Variants in GNA14 observed in about 807,000 individuals in gnomAD.
GNA14 encodes G protein subunit alpha 14.
Under a neutral mutation model 42.0 loss-of-function variants are expected in GNA14, and 50 were observed. The ratio of observed to expected loss-of-function variants is 1.19; its 90% CI spans 0.95 to 1.51. The LOEUF is 1.51. Ranked by LOEUF, GNA14 falls within the 40% of genes most tolerant of loss-of-function variation. GNA14 has a pLI of 0.00. For synonymous variants in GNA14, 173 were observed against 163.1 expected, an observed-to-expected ratio of 1.06 and a Z score of -0.46; for missense variants, 473 against 446.2, an observed-to-expected ratio of 1.06 and a Z score of -0.54.
At chr9:77,497,208 C>T (rs980470846) in intron 2 of GNA14, among the ~76,000 whole-genome samples, 3 of 152,160 alleles carry the variant, frequency 2.0e-5, no homozygotes, top group Non-Finnish European at 4.4e-5. Flanking sequence ...GCCTTGTCCC[C>T]AACTCCAGCT....
At chr9:77,521,363 A>C (rs1032204661) in intron 2 of GNA14, among the ~76,000 whole-genome samples, 1 of 152,198 alleles carries the variant, frequency 6.6e-6, no homozygotes, top group African/African-American at 2.4e-5. Context: ...TGAATTTTTC[A>C]AATTGGATGA....
chr9:77,489,888 C>T (rs1006273454), intron 2 of GNA14, among the ~76,000 whole-genome samples: 5 of 152,112 alleles, frequency 3.3e-5, no homozygotes, highest in African/African-American at 1.2e-4. Context: ...AAAGCTTCCA[C>T]AATGTGGAAG....
chr9:77,469,862 T>C (rs1477508525), intron 2 of GNA14, among the ~76,000 whole-genome samples: 1 of 152,216 alleles, frequency 6.6e-6, no homozygotes, highest in Non-Finnish European at 1.5e-5. Flanking sequence ...ATCAGGTGAC[T>C]AGATGCTGAT....
intron 1 of GNA14, among the ~76,000 whole-genome samples, chr9:77,572,987 G>A (rs974569658): frequency 2.6e-5 from 4 of 152,096 alleles, no homozygotes; most frequent in East Asian, 1.9e-4. Flanking sequence ...TACTGTCGAC[G>A]CTAAATATTT....
chr9:77,627,920 G>C (rs377109603), intron 1 of GNA14, among the ~76,000 whole-genome samples: 4 of 152,230 alleles, frequency 2.6e-5, no homozygotes, highest in African/African-American at 9.6e-5. Flanking sequence ...AGAAAAAAAG[G>C]GTATTCAAAT....
intron 2 of GNA14, among the ~76,000 whole-genome samples, chr9:77,525,019 T>A (rs1223691717): frequency 6.6e-6 from 1 of 152,168 alleles, no homozygotes; most frequent in Non-Finnish European, 1.5e-5. Flanking sequence ...AATCCACTCA[T>A]GGACTGTGGA....
chr9:77,490,646 C>T (rs536336656), intron 2 of GNA14, among the ~76,000 whole-genome samples: 40 of 152,338 alleles, frequency 2.6e-4, no homozygotes, highest in African/African-American at 9.1e-4. Flanking sequence ...CCTCACTGCC[C>T]AGGCCAGCAG....
At chr9:77,533,927 C>T (rs531076496) in intron 1 of GNA14, among the ~76,000 whole-genome samples, 6 of 152,306 alleles carry the variant, frequency 3.9e-5, no homozygotes, top group Admixed American at 2.0e-4. Context: ...TCCTACAAGA[C>T]GCTTGCTCCT....
intron 1 of GNA14, among the ~76,000 whole-genome samples, chr9:77,597,348 G>C (rs1486378061): frequency 1.3e-5 from 2 of 152,084 alleles, no homozygotes; most frequent in African/African-American, 4.8e-5. Context: ...CTCATAGCCT[G>C]AGTCTCTGGA....
chr9:77,428,465 T>C lies in GNA14; in HGVS notation c.723+442A>G, dbSNP rs116715303. On this transcript the variant is annotated intron_variant, in intron 5 of 6. Coordinates refer to ENST00000341700, the MANE Select transcript of GNA14 (RefSeq NM_004297.4). The stretch of plus-strand genomic sequence containing the variant: ...CTAGGCTTTTGAATAGGTTCCGACC[T>C]TAGCAGCACAGTGGATTCACCTGGG... 6.6e-3 allele frequency among the ~76,000 whole-genome samples: 1,002 copies of C among 152,210 alleles called. 14 individuals are homozygous for C. The highest frequency in any genetic ancestry group is 0.022 in the African/African-American group (912 of 41,518).
intron 1 of GNA14, among the ~76,000 whole-genome samples, chr9:77,634,111 A>T (rs1824140424): frequency 6.6e-6 from 1 of 152,206 alleles, no homozygotes; most frequent in Non-Finnish European, 1.5e-5. Flanking sequence ...ATGTATAGTT[A>T]CTAGGAAAAG....
At chr9:77,602,910 T>C (rs1386695581) in intron 1 of GNA14, among the ~76,000 whole-genome samples, 1 of 152,238 alleles carries the variant, frequency 6.6e-6, no homozygotes, top group Admixed American at 6.5e-5. Context: ...ATTTTCATTT[T>C]GCACTGGCCC....
intron 2 of GNA14, among the ~76,000 whole-genome samples, chr9:77,442,864 C>A (rs1472974158): frequency 1.3e-5 from 2 of 152,166 alleles, no homozygotes; most frequent in Non-Finnish European, 2.9e-5. Flanking sequence ...AAAAAGATGG[C>A]AAAAGATCTG....
At position 77,423,777 on chromosome 9, in the gene GNA14, T is replaced by A. The variant is rs79265572; in HGVS notation, c.*202A>T. 0.035 allele frequency: 12,524 copies of A among 360,114 alleles called. 342 individuals are homozygous for A. Among genetic ancestry groups the A allele is most frequent in the Middle Eastern group, 0.048 (64 of 1,328 alleles). 22.3% of individuals were successfully genotyped at this position (360,114 alleles called of 1,614,324 possible). On this transcript the variant is annotated 3_prime_UTR_variant, in exon 7 of 7. Coordinates refer to ENST00000341700, the MANE Select transcript of GNA14 (RefSeq NM_004297.4). Reference sequence around the variant, plus strand: ...TCAAGAAAATAATTATAAACACAATTTGGGATGTAAGGACTTTTAAAGTAT... The same window carrying A: ...TCAAGAAAATAATTATAAACACAATATGGGATGTAAGGACTTTTAAAGTAT...
chr9:77,488,218 C>T (rs987198083), intron 2 of GNA14, among the ~76,000 whole-genome samples: 1 of 152,156 alleles, frequency 6.6e-6, no homozygotes, highest in African/African-American at 2.4e-5. Flanking sequence ...GGTAAGATAA[C>T]TGAACTTCCA....
Position 77,458,913 on chromosome 9 carries a change from G to A in GNA14, c.310-24391C>T, listed in dbSNP as rs534345844. Among the ~76,000 whole-genome samples, 12 of 151,480 alleles carry A rather than the reference G, an allele frequency of 7.9e-5. No homozygotes were observed. In the East Asian group the frequency reaches 1.9e-3, roughly 25 times the overall value. On this transcript the variant is annotated intron_variant, in intron 2 of 6. Coordinates refer to ENST00000341700, the MANE Select transcript of GNA14 (RefSeq NM_004297.4). The stretch of plus-strand genomic sequence containing the variant: ...TTTTATCACAAGCTGGAGGGGGGGG[G>A]GTTGTCCTCTTCTCCCCCTTGCCCA...
At chr9:77,610,927 T>TCTC (rs1480121219) in intron 1 of GNA14, among the ~76,000 whole-genome samples, 1 of 152,172 alleles carries the variant, frequency 6.6e-6, no homozygotes, top group South Asian at 2.1e-4. Flanking sequence ...CTTAAGTTTT[T>TCTC]CTCCTCCCTT....
chr9:77,546,468 T>C (rs1009329814), intron 1 of GNA14, among the ~76,000 whole-genome samples: 3 of 152,180 alleles, frequency 2.0e-5, no homozygotes, highest in African/African-American at 7.2e-5. Context: ...ATTTCTTTTC[T>C]GGCGCACAGC....
intron 1 of GNA14, among the ~76,000 whole-genome samples, chr9:77,550,522 C>T (rs1009006190): frequency 1.8e-4 from 27 of 152,168 alleles, no homozygotes; most frequent in African/African-American, 6.5e-4. Context: ...TGGTCACATA[C>T]ATATCAATAT....
Sources: gnomAD v4.1 joint callset for allele counts (sites outside exome capture counted in the v4.1 genomes callset) on GRCh38, gnomAD v4.1.1 for gene constraint, MANE v1.5 for transcripts, NCBI Gene and HGNC (gene_info 2026-07-23, HGNC 2026-07-21) for gene names.